XIAP: variants seen among roughly 807,000 people sequenced by gnomAD.
The protein encoded by XIAP is X-linked inhibitor of apoptosis, also known as E3 ubiquitin-protein ligase XIAP.
In XIAP, 3 loss-of-function variants were observed where a neutral mutation model predicts 33.1. The ratio of observed to expected loss-of-function variants is 0.09; its 90% CI spans 0.04 to 0.23. The LOEUF is 0.23. Ranked by LOEUF, XIAP falls within the 10% of genes least tolerant of loss-of-function variation. XIAP has a pLI of 1.00. For missense variants in XIAP, 264 were observed against 363.0 expected, an observed-to-expected ratio of 0.73 and a Z score of 2.22; for synonymous variants, 98 against 121.3, an observed-to-expected ratio of 0.81 and a Z score of 1.26.
Position 123,907,528 on chromosome X carries a change from G to C in XIAP, c.*347G>C. On this transcript the variant is annotated 3_prime_UTR_variant, in exon 7 of 7. Transcript: ENST00000371199. Reference sequence around the variant, plus strand: ...TGGATTTTTTATTCTTTTCAGATAGGCTTAACAAATGGAGCTTTCTGTATA... The same window carrying C: ...TGGATTTTTTATTCTTTTCAGATAGCCTTAACAAATGGAGCTTTCTGTATA... 2.6e-6 allele frequency: 1 copy of C among 378,962 alleles called. No homozygotes were observed. Among genetic ancestry groups the C allele is most frequent in the Non-Finnish European group, 4.8e-6 (1 of 206,313 alleles). 31.2% of individuals were successfully genotyped at this position (378,962 alleles called of 1,213,427 possible).
chrX:123,864,942 A>G (rs1244703970), intron 1 of XIAP, among the ~76,000 whole-genome samples: 2 of 107,332 alleles, frequency 1.9e-5, no homozygotes, highest in African/African-American at 6.8e-5. Flanking sequence ...TTGGCCTCCT[A>G]AAGTGCTGGG....
chrX:123,899,144 A>AAAAATATATATATAT lies in XIAP; in HGVS notation c.1100-1348_1100-1347insAAATATATATATATA, dbSNP rs1186271285. 4.0e-5 allele frequency among the ~76,000 whole-genome samples: 2 copies of AAAAATATATATATAT among 50,184 alleles called. 1 individual carries two copies. Among genetic ancestry groups the AAAAATATATATATAT allele is most frequent in the African/African-American group, 1.7e-4 (2 of 11,840 alleles). 43.6% of individuals were successfully genotyped at this position (50,184 alleles called of 115,157 possible). On this transcript the variant is annotated intron_variant, in intron 5 of 6. Coordinates refer to ENST00000371199, the MANE Select transcript of XIAP (RefSeq NM_001167.4). ...CAAAAAAAAAAAAAAAAAAAAAAAAAATATATATATATATATATATATGAT... is the reference window on the plus strand; with the variant it reads ...CAAAAAAAAAAAAAAAAAAAAAAAAAAAAATATATATATATATATATATATATATATATATATGAT...
intron 6 of XIAP, among the ~76,000 whole-genome samples, chrX:123,902,619 G>A (rs1161469589): frequency 9.0e-6 from 1 of 111,502 alleles, no homozygotes; most frequent in Non-Finnish European, 1.9e-5. Context: ...TGTAAAAATA[G>A]TACCGAATCA....
In XIAP at chrX:123,896,729, C is replaced by A. The variant is rs1182332122; in HGVS notation, c.1100-3764C>A. ...CAGAGTAGCTGTGATTACAGGTGTG[C>A]ACCACCATGGCTGGCTAATTTTTTT... is the stretch of plus-strand genomic sequence containing the variant. On this transcript the variant is annotated intron_variant, in intron 5 of 6. Coordinates refer to ENST00000371199, the MANE Select transcript of XIAP (RefSeq NM_001167.4). Among the ~76,000 whole-genome samples, 4 of 108,618 alleles carry A rather than the reference C, an allele frequency of 3.7e-5. No homozygotes were observed. The Admixed American group carries it at 4.0e-4, about 11-fold the overall frequency. The allele number at this position is 108,618 out of a possible 115,157, so 94.3% of individuals were successfully genotyped here. A position where few individuals can be genotyped will look rare whatever the true frequency, so the allele number is the denominator to read the frequency against.
chrX:123,891,645 T>C (rs886906686), intron 4 of XIAP, among the ~76,000 whole-genome samples: 2 of 109,919 alleles, frequency 1.8e-5, no homozygotes, highest in Non-Finnish European at 3.8e-5. Flanking sequence ...AGTGAGACCC[T>C]GTCTCTACAA....
chrX:123,906,062 T>A (rs10521712), intron 6 of XIAP, among the ~76,000 whole-genome samples: 41,891 of 112,026 alleles, frequency 0.37, 5,790 homozygotes, highest in African/African-American at 0.45. Context: ...TTAAAATATG[T>A]AATGCATTTG....
At chrX:123,874,480 A>T (rs922348354) in intron 1 of XIAP, 1 of 111,228 alleles carries the variant, frequency 9.0e-6, no homozygotes, top group African/African-American at 3.3e-5. Context: ...GGCAGTACAT[A>T]TACTAAAATT....
chrX:123,863,457 A>G lies in XIAP; in HGVS notation c.-33+3164A>G, dbSNP rs767440442. On this transcript the variant is annotated intron_variant, in intron 1 of 6. Transcript: ENST00000371199. Reference sequence around the variant, plus strand: ...CAGAGTGAGACTCCACCTCAAAAACAAATAAAAAGTTAAGACTAAAACAGT... The same window carrying G: ...CAGAGTGAGACTCCACCTCAAAAACGAATAAAAAGTTAAGACTAAAACAGT... Among the ~76,000 whole-genome samples the G allele has an allele frequency of 1.0e-3, 115 of 111,807 alleles. 1 individual carries two copies. Among genetic ancestry groups the G allele is most frequent in the Non-Finnish European group, 1.1e-3 (58 of 53,132 alleles).
chrX:123,862,321 G>A (rs192837748), intron 1 of XIAP, among the ~76,000 whole-genome samples: 2 of 107,956 alleles, frequency 1.9e-5, no homozygotes, highest in African/African-American at 3.4e-5. Context: ...CACCCGCCTC[G>A]GCCTCCCAAA....
In XIAP at chrX:123,864,635, A is replaced by AGTGTGT. The variant is rs748255094; in HGVS notation, c.-33+4383_-33+4388dup. ...GCACCCGCCACCACACCCGGCTTAG[A>AGTGTGT]GTGTGTGTGTGTGTGTGTGTGTGTG... On this transcript the variant is annotated intron_variant, in intron 1 of 6. Transcript: ENST00000371199. 8.7e-3 allele frequency among the ~76,000 whole-genome samples: 738 copies of AGTGTGT among 84,636 alleles called. 9 individuals are homozygous for AGTGTGT. Among genetic ancestry groups the AGTGTGT allele is most frequent in the African/African-American group, 0.019 (428 of 22,417 alleles). The allele number at this position is 84,636 out of a possible 115,157, so 73.5% of individuals were successfully genotyped here.
chrX:123,903,619 G>GTTT (rs1163905528), intron 6 of XIAP, among the ~76,000 whole-genome samples: 13 of 55,283 alleles, frequency 2.4e-4, no homozygotes, highest in African/African-American at 3.9e-4. Context: ...GTTTGTTTCA[G>GTTT]TTTTTTTTTT....
intron 1 of XIAP, among the ~76,000 whole-genome samples, chrX:123,883,069 A>G (rs947536667): frequency 9.4e-6 from 1 of 105,892 alleles, no homozygotes; most frequent in Non-Finnish European, 1.9e-5. Flanking sequence ...TGCTGGGATT[A>G]CAGGCGTGAG....
rs2053592140 is a variant in XIAP, at chrX:123,910,726, G to T, written c.*3545G>T. 1.1e-5 allele frequency: 3 copies of T among 280,466 alleles called. No homozygotes were observed. The highest frequency in any genetic ancestry group is 6.7e-5 in the South Asian group (2 of 30,071). The allele number at this position is 280,466 out of a possible 1,213,427, so 23.1% of individuals were successfully genotyped here. ...CTACTAAAAAACAGAAAATTAGCCG[G>T]GCGTGGTGGCGGGCGCCTGTAGTCC... On this transcript the variant is annotated 3_prime_UTR_variant, in exon 7 of 7. Coordinates refer to ENST00000371199, the MANE Select transcript of XIAP (RefSeq NM_001167.4).
chrX:123,892,576 C>G (rs1234625954), intron 4 of XIAP, among the ~76,000 whole-genome samples, 155 bp from the exon 5 acceptor site: 1 of 111,024 alleles, frequency 9.0e-6, no homozygotes, highest in Non-Finnish European at 1.9e-5. Context: ...TGACTTCCTT[C>G]TAGCTCCATC....
chrX:123,912,965 A>G lies in XIAP; in HGVS notation c.*5784A>G. On this transcript the variant is annotated 3_prime_UTR_variant, in exon 7 of 7. Coordinates refer to ENST00000371199, the MANE Select transcript of XIAP (RefSeq NM_001167.4). The stretch of plus-strand genomic sequence containing the variant: ...CCGGCTAATTTTTGTATTTTTTAGT[A>G]GTGACTGGTTTCGCGGTGTTGACCA... 1.0e-5 allele frequency: 3 copies of G among 290,589 alleles called. No homozygotes were observed. The highest frequency in any genetic ancestry group is 9.5e-5 in the South Asian group (3 of 31,617). 23.9% of individuals were successfully genotyped at this position (290,589 alleles called of 1,213,427 possible).
At position 123,909,499 on chromosome X, in the gene XIAP, A is replaced by C. The variant is rs1265313626; in HGVS notation, c.*2318A>C. The C allele has an allele frequency of 3.1e-6, 1 of 327,020 alleles. No individual in the cohort carries two copies. The highest frequency in any genetic ancestry group is 5.9e-6 in the Non-Finnish European group (1 of 169,425). 27.0% of individuals were successfully genotyped at this position (327,020 alleles called of 1,213,427 possible). A position where few individuals can be genotyped will look rare whatever the true frequency, so the allele number is the denominator to read the frequency against. On this transcript the variant is annotated 3_prime_UTR_variant, in exon 7 of 7. Coordinates refer to ENST00000371199, the MANE Select transcript of XIAP (RefSeq NM_001167.4). Reference sequence around the variant, plus strand: ...TGTATAGTCTAGACTTTAAATTTAAAGTTTTCTACAAGGGGAGAAAAGTGT... The same window carrying C: ...TGTATAGTCTAGACTTTAAATTTAACGTTTTCTACAAGGGGAGAAAAGTGT...
chrX:123,883,210 G>A (rs761127101), intron 1 of XIAP, among the ~76,000 whole-genome samples: 15 of 109,757 alleles, frequency 1.4e-4, no homozygotes, highest in African/African-American at 5.0e-4. Context: ...AGCCTTCCGA[G>A]TAGCTGGGAT....
rs1413917398 is a variant in XIAP at position 123,912,501 on chromosome X, G to C, written c.*5320G>C. ...AATACAAAAATTAGCTGGGCATGGT[G>C]GTGTGTGCCTGTAGTCCTGGCTACT... On this transcript the variant is annotated 3_prime_UTR_variant, in exon 7 of 7. Coordinates refer to ENST00000371199, the MANE Select transcript of XIAP (RefSeq NM_001167.4). The C allele has an allele frequency of 3.1e-6, 1 of 325,109 alleles. No individual in the cohort carries two copies. 26.8% of individuals were successfully genotyped at this position (325,109 alleles called of 1,213,427 possible).
intron 1 of XIAP, among the ~76,000 whole-genome samples, chrX:123,874,306 G>T (rs1489141538): frequency 8.9e-6 from 1 of 111,876 alleles, no homozygotes; most frequent in East Asian, 2.8e-4. Flanking sequence ...TAAGAAAAGC[G>T]CAAAGAAAAT....
Sources: gnomAD v4.1 joint callset for allele counts (sites outside exome capture counted in the v4.1 genomes callset) on GRCh38, gnomAD v4.1.1 for gene constraint, MANE v1.5 for transcripts, NCBI Gene and HGNC (gene_info 2026-07-23, HGNC 2026-07-21) for gene names.